Variants in ZFAND3 observed in about 807,000 individuals in gnomAD.
ZFAND3 encodes the protein zinc finger AN1-type containing 3.
In ZFAND3, 10 loss-of-function variants were observed where a neutral mutation model predicts 29.6. That is an observed-to-expected ratio of 0.34 (90% CI 0.21 to 0.57). The LOEUF (loss-of-function observed/expected upper bound fraction) is 0.57, where lower values mean the gene tolerates loss of function less well. Among genes scored for constraint, ZFAND3 ranks in the 20% least tolerant of loss-of-function variants. ZFAND3 has a pLI of 0.86. For missense variants in ZFAND3, 230 were observed against 304.5 expected (o/e 0.76, Z 1.82); for synonymous variants, 128 against 112.6 (o/e 1.14, Z -0.87).
At chr6:37,968,686 A>ACCCTTCC (rs899067639) in intron 2 of ZFAND3, among the ~76,000 whole-genome samples, 15 of 151,810 alleles carry the variant, frequency 9.9e-5, no homozygotes, top group Non-Finnish European at 1.8e-4. Context: ...ATTTATTCAA[A>ACCCTTCC]CCCTTCCCCC....
In ZFAND3 at chr6:38,144,205, A is replaced by AATATAT. The variant is rs1562015993; in HGVS notation, c.530-8030_530-8029insATATAT. On this transcript the variant is annotated intron_variant, in intron 5 of 5. Coordinates refer to ENST00000287218, the MANE Select transcript of ZFAND3 (RefSeq NM_021943.3). ...ATATAATATATATATATATATATAT[A>AATATAT]TATATAATATATAATATATATATAT... 2.5e-3 allele frequency among the ~76,000 whole-genome samples: 111 copies of AATATAT among 44,344 alleles called. 5 individuals carry two copies. Among genetic ancestry groups the AATATAT allele is most frequent in the African/African-American group, 0.013 (109 of 8,456 alleles). 29.1% of individuals were successfully genotyped at this position (44,344 alleles called of 152,430 possible).
intron 3 of ZFAND3, among the ~76,000 whole-genome samples, chr6:38,067,510 A>G: frequency 6.6e-6 from 1 of 152,370 alleles, no homozygotes; most frequent in South Asian, 2.1e-4. Context: ...AGGACATTGC[A>G]TGCAAATTAG....
At chr6:38,083,305 C>A (rs71571304) in intron 4 of ZFAND3, among the ~76,000 whole-genome samples, 11,285 of 152,124 alleles carry the variant, frequency 0.074, 505 homozygotes, top group African/African-American at 0.12. Context: ...TGCATAGTTT[C>A]AAAGTAACAT....
At chr6:37,856,870 A>G (rs1764393174) in intron 1 of ZFAND3, among the ~76,000 whole-genome samples, 1 of 152,088 alleles carries the variant, frequency 6.6e-6, no homozygotes, top group Admixed American at 6.5e-5. Flanking sequence ...AAGATTTGAC[A>G]AATTATTAAA....
intron 2 of ZFAND3, among the ~76,000 whole-genome samples, chr6:38,060,027 G>A (rs1204859438): frequency 6.6e-6 from 1 of 151,856 alleles, no homozygotes; most frequent in Non-Finnish European, 1.5e-5. Context: ...TTTAAGTACA[G>A]TTGGCCCTTG....
intron 2 of ZFAND3, among the ~76,000 whole-genome samples, chr6:38,048,140 G>C (rs942781384): frequency 5.9e-5 from 9 of 151,796 alleles, no homozygotes; most frequent in Non-Finnish European, 8.8e-5. Context: ...TGAGTAGCTG[G>C]GACTACAGGC....
At chr6:38,000,567 G>C (rs997071871) in intron 2 of ZFAND3, among the ~76,000 whole-genome samples, 4 of 152,046 alleles carry the variant, frequency 2.6e-5, no homozygotes, top group Admixed American at 2.6e-4. Context: ...GAAACCATCA[G>C]ATCTCATGAG....
chr6:37,820,095 C>A, intron 1 of ZFAND3, 79 bp downstream of exon 1: 1 of 1,099,136 alleles, frequency 9.1e-7, no homozygotes, highest in Non-Finnish European at 1.1e-6. Context: ...GGCCTCGGGG[C>A]CCGGGAGGCC....
At chr6:38,128,493 T>G (rs1765679298) in intron 5 of ZFAND3, among the ~76,000 whole-genome samples, 1 of 152,152 alleles carries the variant, frequency 6.6e-6, no homozygotes, top group Admixed American at 6.6e-5. Context: ...CTTCCCACCC[T>G]TTCCCCCTGA....
At chr6:38,064,798 C>G (rs1480917503) in intron 3 of ZFAND3, among the ~76,000 whole-genome samples, 1 of 150,852 alleles carries the variant, frequency 6.6e-6, no homozygotes, top group Non-Finnish European at 1.5e-5. Context: ...TTCTCTTAGA[C>G]TTATACTCTC....
intron 5 of ZFAND3, 85 bp downstream of exon 5, chr6:38,116,824 TC>T: frequency 6.6e-7 from 1 of 1,511,416 alleles, no homozygotes; most frequent in Non-Finnish European, 8.9e-7. Context: ...CTGAAGTCTT[TC>T]GTTCTTCTTC....
chr6:37,887,922 G>A (rs1765024811), intron 1 of ZFAND3, among the ~76,000 whole-genome samples: 2 of 152,106 alleles, frequency 1.3e-5, no homozygotes, highest in African/African-American at 2.4e-5. Flanking sequence ...GTGCAGTTGG[G>A]CTTTTCATTG....
chr6:38,121,431 C>T (rs540333652), intron 5 of ZFAND3, among the ~76,000 whole-genome samples: 2 of 152,268 alleles, frequency 1.3e-5, no homozygotes, highest in South Asian at 4.1e-4. Context: ...GAGGGAGCAT[C>T]ACAATTTACC....
At chr6:38,001,944 G>T (rs969501850) in intron 2 of ZFAND3, among the ~76,000 whole-genome samples, 11 of 152,220 alleles carry the variant, frequency 7.2e-5, no homozygotes, top group East Asian at 1.9e-4. Flanking sequence ...GATATATTAG[G>T]TGAATACAGA....
chr6:38,139,388 A>G (rs1765903395), intron 5 of ZFAND3, among the ~76,000 whole-genome samples: 1 of 152,170 alleles, frequency 6.6e-6, no homozygotes, highest in Non-Finnish European at 1.5e-5. Flanking sequence ...TAAATGAACA[A>G]ATTCCACAAA....
intron 1 of ZFAND3, among the ~76,000 whole-genome samples, chr6:37,881,549 A>G (rs181824792): frequency 1.3e-5 from 2 of 152,280 alleles, no homozygotes; most frequent in Admixed American, 6.5e-5. Flanking sequence ...GGGGCAGGCT[A>G]AATCTTTAAT....
chr6:38,048,639 A>G (rs1042215366), intron 2 of ZFAND3, among the ~76,000 whole-genome samples: 7 of 148,130 alleles, frequency 4.7e-5, no homozygotes. Context: ...AAAAAATTCA[A>G]TGCCTGTTTT....
At chr6:37,988,330 A>G (rs557658008) in intron 2 of ZFAND3, among the ~76,000 whole-genome samples, 1 of 152,322 alleles carries the variant, frequency 6.6e-6, no homozygotes, top group African/African-American at 2.4e-5. Context: ...TGTGGTCTCA[A>G]TATGTATCTC....
chr6:37,888,650 AT>A (rs1765041776), intron 1 of ZFAND3, among the ~76,000 whole-genome samples: 2 of 152,204 alleles, frequency 1.3e-5, no homozygotes, highest in Admixed American at 1.3e-4. Flanking sequence ...TTTTTGTTTA[AT>A]TTCCCTGGAT....
Sources: allele counts gnomAD v4.1 joint callset (sites outside exome capture counted in the v4.1 genomes callset), GRCh38; gene constraint gnomAD v4.1.1; transcripts MANE v1.5; gene names NCBI Gene and HGNC (gene_info 2026-07-23, HGNC 2026-07-21).